PTCHD4: variants seen among roughly 807,000 people sequenced by gnomAD.
The protein encoded by PTCHD4 is patched domain-containing protein 4.
In PTCHD4, 33 loss-of-function variants were observed where a neutral mutation model predicts 58.1. The observed-to-expected ratio is 0.57, with a 90% CI of 0.43 to 0.76. The LOEUF (loss-of-function observed/expected upper bound fraction) is 0.76. Among genes scored for constraint, PTCHD4 ranks in the 30% least tolerant of loss-of-function variants. The pLI, the probability that PTCHD4 is intolerant of heterozygous loss-of-function variation, is 0.00. For missense variants in PTCHD4, 1,058 were observed against 1,027.1 expected (o/e 1.03, Z -0.41); for synonymous variants, 478 against 409.6 (o/e 1.17, Z -2.02).
At chr6:48,103,380 G>A (rs867537443) in intron 1 of PTCHD4, among the ~76,000 whole-genome samples, 1 of 152,210 alleles carries the variant, frequency 6.6e-6, no homozygotes, top group Non-Finnish European at 1.5e-5. Flanking sequence ...CAACAGACCT[G>A]CAGCTGAGGG....
chr6:47,948,081 C>T (rs1766490235), intron 4 of PTCHD4, among the ~76,000 whole-genome samples: 1 of 152,192 alleles, frequency 6.6e-6, no homozygotes, highest in African/African-American at 2.4e-5. Flanking sequence ...GGGTATTCTG[C>T]TTCAGAGCTG....
At chr6:48,012,649 G>C (rs2114093438) in intron 3 of PTCHD4, among the ~76,000 whole-genome samples, 1 of 152,236 alleles carries the variant, frequency 6.6e-6, no homozygotes, top group South Asian at 2.1e-4. Flanking sequence ...CTTATTTTGT[G>C]CCAGTTTTCA....
chr6:47,946,168 T>C (rs1381209156), intron 4 of PTCHD4, among the ~76,000 whole-genome samples: 4 of 152,080 alleles, frequency 2.6e-5, no homozygotes, highest in African/African-American at 9.7e-5. Flanking sequence ...AGCTTAAAAA[T>C]ATGTGTATGT....
intron 1 of PTCHD4, among the ~76,000 whole-genome samples, chr6:48,091,913 G>T (rs999261814): frequency 6.6e-6 from 1 of 151,956 alleles, no homozygotes; most frequent in East Asian, 1.9e-4. Context: ...GGCTCCCAAA[G>T]TGCTAGCATT....
At chr6:47,924,578 G>A (rs1386163524) in intron 4 of PTCHD4, among the ~76,000 whole-genome samples, 1 of 152,044 alleles carries the variant, frequency 6.6e-6, no homozygotes, top group African/African-American at 2.4e-5. Context: ...TTATAGACGT[G>A]TAAGGATTAC....
At chr6:48,026,055 T>C (rs1206545920) in intron 3 of PTCHD4, among the ~76,000 whole-genome samples, 1 of 152,198 alleles carries the variant, frequency 6.6e-6, no homozygotes, top group African/African-American at 2.4e-5. Flanking sequence ...AAAGGTCTTC[T>C]GTATCACCCT....
intron 1 of PTCHD4, among the ~76,000 whole-genome samples, chr6:48,082,853 T>A (rs1344930876): frequency 3.3e-5 from 5 of 152,082 alleles, no homozygotes; most frequent in Non-Finnish European, 4.4e-5. Context: ...TAATTATTTA[T>A]ATTTATTTTG....
chr6:48,002,680 A>T (rs1379467831), intron 4 of PTCHD4, among the ~76,000 whole-genome samples: 1 of 152,062 alleles, frequency 6.6e-6, no homozygotes, highest in Non-Finnish European at 1.5e-5. Context: ...TACTGGGTGC[A>T]GCACACCAAC....
intron 4 of PTCHD4, among the ~76,000 whole-genome samples, chr6:47,993,462 C>A (rs1472938221): frequency 2.6e-5 from 4 of 152,156 alleles, no homozygotes; most frequent in East Asian, 1.9e-4. Context: ...GTAAAATGAA[C>A]CTTGACAGTT....
rs914926368 is a variant in PTCHD4, at chr6:47,979,227, G to A, written c.898+29407C>T. Among the ~76,000 whole-genome samples the A allele has an allele frequency of 7.2e-5, 11 of 152,008 alleles. 1 individual carries two copies. Among genetic ancestry groups the A allele is most frequent in the South Asian group, 6.2e-4 (3 of 4,828 alleles). ...GCAGAAAGGAACATCCTGGGATGAC[G>A]GAGTGTTTTATATCTTGATGAGGTT... is the stretch of plus-strand genomic sequence containing the variant. On this transcript the variant is annotated intron_variant, in intron 4 of 4. Transcript: ENST00000339488.
At chr6:47,906,391 C>T (rs1019517534) in intron 4 of PTCHD4, among the ~76,000 whole-genome samples, 1 of 152,134 alleles carries the variant, frequency 6.6e-6, no homozygotes, top group African/African-American at 2.4e-5. Flanking sequence ...ATCACTTCCA[C>T]TTGTCGGATC....
At chr6:48,052,975 T>C (rs768981334) in intron 3 of PTCHD4, among the ~76,000 whole-genome samples, 7 of 152,100 alleles carry the variant, frequency 4.6e-5, no homozygotes, top group Non-Finnish European at 8.8e-5. Flanking sequence ...ACTTGGATGA[T>C]TATGGCTTCG....
At position 47,857,761 on chromosome 6, in the gene PTCHD4, A is replaced by G. The variant is rs1453239326; in HGVS notation, c.*20542T>C. ...AACATTGTGAAGTAAATCATCTAGTAAAGATGACACTACATTGAGCACACA... is the reference window on the plus strand; with the variant it reads ...AACATTGTGAAGTAAATCATCTAGTGAAGATGACACTACATTGAGCACACA... On this transcript the variant is annotated 3_prime_UTR_variant, in exon 5 of 5. Coordinates refer to ENST00000339488, the MANE Select transcript of PTCHD4 (RefSeq NM_001384253.1). Among the ~76,000 whole-genome samples the G allele has an allele frequency of 6.6e-6, 1 of 152,046 alleles. No homozygotes were observed. The highest frequency in any genetic ancestry group is 1.5e-5 in the Non-Finnish European group (1 of 67,982).
intron 4 of PTCHD4, among the ~76,000 whole-genome samples, chr6:47,990,162 C>A (rs2114031633): frequency 6.6e-6 from 1 of 152,276 alleles, no homozygotes; most frequent in Non-Finnish European, 1.5e-5. Flanking sequence ...ACTATATTTA[C>A]CCAATACCTG....
intron 4 of PTCHD4, among the ~76,000 whole-genome samples, chr6:47,975,877 T>C (rs1767673864): frequency 6.6e-6 from 1 of 152,214 alleles, no homozygotes; most frequent in African/African-American, 2.4e-5. Flanking sequence ...AGATGGGTCA[T>C]ATTTTTGAGA....
chr6:48,089,062 A>C (rs911890337), intron 1 of PTCHD4, among the ~76,000 whole-genome samples: 5 of 152,092 alleles, frequency 3.3e-5, no homozygotes, highest in African/African-American at 1.2e-4. Flanking sequence ...AAATAAATAA[A>C]TAAATAGGAA....
chr6:47,921,675 C>G (rs1419159609), intron 4 of PTCHD4, among the ~76,000 whole-genome samples: 1 of 152,148 alleles, frequency 6.6e-6, no homozygotes, highest in Non-Finnish European at 1.5e-5. Context: ...GCATCTCCTT[C>G]TTGGACCCTG....
intron 4 of PTCHD4, among the ~76,000 whole-genome samples, chr6:47,961,123 T>A (rs578157807): frequency 1.8e-4 from 27 of 151,984 alleles, no homozygotes; most frequent in South Asian, 1.5e-3. Context: ...TAAAAAAAAA[T>A]TTCAGGTTCT....
intron 4 of PTCHD4, among the ~76,000 whole-genome samples, chr6:47,914,473 C>G (rs1262063683): frequency 1.3e-5 from 2 of 151,952 alleles, no homozygotes; most frequent in African/African-American, 4.8e-5. Flanking sequence ...TGTTTTTGAG[C>G]TGGGACATCA....
Sources: gnomAD v4.1 joint callset for allele counts (sites outside exome capture counted in the v4.1 genomes callset) on GRCh38, gnomAD v4.1.1 for gene constraint, MANE v1.5 for transcripts, NCBI Gene and HGNC (gene_info 2026-07-23, HGNC 2026-07-21) for gene names.